The following DMD variants were observed in gnomAD, a reference collection of about 807,000 sequenced individuals.
DMD encodes the protein dystrophin, also known as mutant dystrophin.
A neutral mutation model predicts 330.1 loss-of-function variants in DMD; 63 were observed. The observed-to-expected ratio is 0.19, with a 90% CI of 0.16 to 0.24. DMD has a LOEUF of 0.24. Among genes scored for constraint, DMD ranks in the 10% least tolerant of loss-of-function variants. The probability of loss-of-function intolerance (pLI) is 1.00; values close to 1 mark genes in which losing one functional copy is unlikely to be tolerated. For missense variants in DMD, 3,344 were observed against 2,684.1 expected, an observed-to-expected ratio of 1.25 and a Z score of -5.43; for synonymous variants, 1,223 against 959.8, an observed-to-expected ratio of 1.27 and a Z score of -5.07.
intron 2 of DMD, among the ~76,000 whole-genome samples, chrX:32,867,922 A>G (rs146193082): frequency 2.7e-5 from 3 of 111,073 alleles, no homozygotes; most frequent in Non-Finnish European, 5.7e-5. Flanking sequence ...TCAAAAATGG[A>G]AAAATATGGA....
rs772312572 is a variant in DMD at position 32,933,795 on chromosome X, C to G, written c.94-83975G>C. Among the ~76,000 whole-genome samples the G allele has an allele frequency of 1.4e-4, 16 of 111,752 alleles. No homozygotes were observed. In the Admixed American group the frequency reaches 1.5e-3, roughly 11 times the overall value. ...ACGTTGCCGGAAAAGCCATTACAGACTAAATACCCCCTGGTCCTAAAGAGA... is the reference window on the plus strand; with the variant it reads ...ACGTTGCCGGAAAAGCCATTACAGAGTAAATACCCCCTGGTCCTAAAGAGA... On this transcript the variant is annotated intron_variant, in intron 2 of 78. Coordinates refer to ENST00000357033, the MANE Select transcript of DMD (RefSeq NM_004006.3).
In DMD at chrX:33,326,691, T is replaced by C. The variant is rs748571656; in HGVS notation, c.7+12568A>G. Among the ~76,000 whole-genome samples the C allele has an allele frequency of 1.4e-4, 16 of 112,130 alleles. No homozygotes were observed. The East Asian group carries it at 3.9e-3, about 28-fold the overall frequency. Reference sequence around the variant, plus strand: ...TCTATAAATAATATAAAGCCACCTGTGGACTTTAAGCAGTGGAATAACTTA... The same window carrying C: ...TCTATAAATAATATAAAGCCACCTGCGGACTTTAAGCAGTGGAATAACTTA... On this transcript the variant is annotated intron_variant, in intron 1 of 17. Transcript: ENST00000288447.
chrX:31,921,736 T>C (rs766565117), intron 47 of DMD, among the ~76,000 whole-genome samples: 267 of 112,313 alleles, frequency 2.4e-3, no homozygotes, highest in Middle Eastern at 9.2e-3. Flanking sequence ...TGGGGAAGTG[T>C]CTTCTTTTAG....
At chrX:33,276,954 C>T (rs970358506) in intron 1 of DMD, among the ~76,000 whole-genome samples, 1 of 111,972 alleles carries the variant, frequency 8.9e-6, no homozygotes, top group Non-Finnish European at 1.9e-5. Flanking sequence ...AAACCTTCTT[C>T]TGATTTCACC....
At chrX:31,698,918 A>C (rs1456452574) in intron 52 of DMD, among the ~76,000 whole-genome samples, 3 of 112,027 alleles carry the variant, frequency 2.7e-5, no homozygotes, top group African/African-American at 9.7e-5. Flanking sequence ...AGTTCATGGA[A>C]GCCAGACCCA....
intron 62 of DMD, among the ~76,000 whole-genome samples, chrX:31,268,528 C>T (rs1236383728): frequency 9.0e-6 from 1 of 111,702 alleles, no homozygotes; most frequent in Non-Finnish European, 1.9e-5. Context: ...GAGGCAGCTG[C>T]TATTACGGTC....
At chrX:32,164,428 G>A (rs1268140747) in intron 44 of DMD, among the ~76,000 whole-genome samples, 2 of 111,363 alleles carry the variant, frequency 1.8e-5, no homozygotes, top group Non-Finnish European at 3.8e-5. Context: ...CTGGAGTAAA[G>A]GTCATTCTTG....
chrX:32,625,100 G>A (rs1039020824), intron 11 of DMD, among the ~76,000 whole-genome samples: 3 of 111,836 alleles, frequency 2.7e-5, no homozygotes, highest in African/African-American at 9.8e-5. Flanking sequence ...GAACCCGGGA[G>A]GCGGAGGTTG....
intron 2 of DMD, among the ~76,000 whole-genome samples, chrX:32,864,329 T>G (rs1260497004): frequency 9.0e-6 from 1 of 111,605 alleles, no homozygotes; most frequent in African/African-American, 3.3e-5. Flanking sequence ...AATTTGGACT[T>G]AGGCAGTGTA....
chrX:31,557,934 G>T (rs2147817147), intron 55 of DMD, among the ~76,000 whole-genome samples: 1 of 111,320 alleles, frequency 9.0e-6, no homozygotes, highest in East Asian at 2.8e-4. Context: ...CCTCTAGCTG[G>T]CCTTAGGTGA....
intron 43 of DMD, among the ~76,000 whole-genome samples, chrX:32,220,847 T>C (rs774909516): frequency 2.8e-5 from 3 of 108,810 alleles, no homozygotes; most frequent in Non-Finnish European, 5.8e-5. Flanking sequence ...GTAATATTTC[T>C]AGGAAAAAAA....
intron 45 of DMD, among the ~76,000 whole-genome samples, chrX:31,951,135 A>ACG (rs2095162158): frequency 1.3e-5 from 1 of 78,922 alleles, no homozygotes; most frequent in East Asian, 3.6e-4. Context: ...ATATATATAT[A>ACG]TATATGTGTA....
intron 63 of DMD, among the ~76,000 whole-genome samples, chrX:31,227,399 A>G (rs1328560331): frequency 9.0e-6 from 1 of 111,369 alleles, no homozygotes; most frequent in East Asian, 2.8e-4. Context: ...GCCTCTAGTT[A>G]ATCCTCCCTG....
chrX:32,372,602 G>A (rs2097883609), intron 34 of DMD, among the ~76,000 whole-genome samples: 1 of 111,556 alleles, frequency 9.0e-6, no homozygotes, highest in African/African-American at 3.2e-5. Context: ...CTGCCTCGTG[G>A]CATTGCTGTT....
chrX:32,558,191 G>A (rs2149045253), intron 16 of DMD, among the ~76,000 whole-genome samples: 1 of 111,282 alleles, frequency 9.0e-6, no homozygotes, highest in South Asian at 3.7e-4. Flanking sequence ...GTATCAGAAA[G>A]AAGAGATGTA....
In DMD at chrX:31,342,922, G is replaced by A. The variant is rs188024101; in HGVS notation, c.9163+5634C>T. On this transcript the variant is annotated intron_variant, in intron 61 of 78. Coordinates refer to ENST00000357033, the MANE Select transcript of DMD (RefSeq NM_004006.3). Reference sequence around the variant, plus strand: ...CTCCTAAGCAGCTGGGATTACAGGCGAGTGCCACCACGCCCAGCTAATTTT... The same window carrying A: ...CTCCTAAGCAGCTGGGATTACAGGCAAGTGCCACCACGCCCAGCTAATTTT... Among the ~76,000 whole-genome samples the A allele has an allele frequency of 6.6e-3, 730 of 111,289 alleles. 3 individuals are homozygous for A. The highest frequency in any genetic ancestry group is 0.014 in the South Asian group (38 of 2,629).
intron 43 of DMD, among the ~76,000 whole-genome samples, chrX:32,247,895 C>G (rs1034414644): frequency 9.0e-6 from 1 of 111,722 alleles, no homozygotes; most frequent in African/African-American, 3.2e-5. Flanking sequence ...AATAATGAGT[C>G]TATGAATGAC....
At chrX:32,910,124 G>GCA (rs200132812) in intron 2 of DMD, among the ~76,000 whole-genome samples, 57 of 110,942 alleles carry the variant, frequency 5.1e-4, no homozygotes, top group African/African-American at 1.9e-3. Context: ...AATGAGAATT[G>GCA]CACACACACA....
chrX:33,257,136 T>C (rs1332737556), intron 1 of DMD, among the ~76,000 whole-genome samples: 2 of 111,147 alleles, frequency 1.8e-5, no homozygotes, highest in African/African-American at 6.5e-5. Context: ...AAACACTCAC[T>C]GTAGGAAAGA....
Sources: allele counts gnomAD v4.1 joint callset (sites outside exome capture counted in the v4.1 genomes callset), GRCh38; gene constraint gnomAD v4.1.1; transcripts MANE v1.5; gene names NCBI Gene and HGNC (gene_info 2026-07-23, HGNC 2026-07-21).